The following SPTBN1 variants were observed in gnomAD, a reference collection of about 807,000 sequenced individuals.
SPTBN1 encodes spectrin beta chain, non-erythrocytic 1.
A neutral mutation model predicts 266.4 loss-of-function variants in SPTBN1; 32 were observed. The ratio of observed to expected loss-of-function variants is 0.12; its 90% confidence interval spans 0.09 to 0.16. The LOEUF (loss-of-function observed/expected upper bound fraction) is 0.16. Among genes scored for constraint, SPTBN1 ranks in the 10% least tolerant of loss-of-function variants. The pLI, the probability that SPTBN1 is intolerant of heterozygous loss-of-function variation, is 1.00. For missense variants in SPTBN1, 2,296 were observed against 3,067.1 expected, an observed-to-expected ratio of 0.75 and a Z score of 5.94; for synonymous variants, 1,336 against 1,162.2, an observed-to-expected ratio of 1.15 and a Z score of -3.04.
chr2:54,657,986 A>G lies in SPTBN1; in HGVS notation c.6183A>G (p.Ala2061=). ...AGAAGCTCATCAAGCGCCACGAGGCATTTGAAAAGTCTGCAGCAACCTGGG... is the reference window on the plus strand; with the variant it reads ...AGAAGCTCATCAAGCGCCACGAGGCGTTTGAAAAGTCTGCAGCAACCTGGG... ...EVEKLIKRHE[A]FEKSAATWDE... is the part of the protein sequence containing the mutation. Residue 2061 remains alanine, a synonymous_variant, in exon 30 of 36, where the codon GCA becomes GCG. Transcript: ENST00000356805. The G allele has an allele frequency of 6.2e-7, 1 of 1,614,274 alleles. No individual in the cohort carries two copies. The highest frequency in any genetic ancestry group is 8.5e-7 in the Non-Finnish European group (1 of 1,180,050).
intron 2 of SPTBN1, among the ~76,000 whole-genome samples, chr2:54,534,717 C>T (rs1325256671): frequency 6.6e-6 from 1 of 152,202 alleles, no homozygotes; most frequent in Non-Finnish European, 1.5e-5. Flanking sequence ...TCCTGTTCTA[C>T]CTCAGACTCT....
chr2:54,611,004 G>A (rs945557702), intron 3 of SPTBN1, among the ~76,000 whole-genome samples: 1 of 152,130 alleles, frequency 6.6e-6, no homozygotes, highest in Non-Finnish European at 1.5e-5. Flanking sequence ...AGTTAGAGAT[G>A]GCTCTGAAAT....
chr2:54,623,572 G>A lies in SPTBN1; in HGVS notation c.1158G>A (p.Gly386=). The A allele has an allele frequency of 1.2e-6, 2 of 1,614,118 alleles. No individual in the cohort carries two copies. The highest frequency in any genetic ancestry group is 1.7e-6 in the Non-Finnish European group (2 of 1,179,978). The part of the protein sequence containing the change: ...NNQKVYMPRE[G]KLISDINKAW... ...AGAAGGTCTACATGCCCCGGGAGGGGAAGCTCATCTCTGACATCAACAAGG... is the reference window on the plus strand; with the variant it reads ...AGAAGGTCTACATGCCCCGGGAGGGAAAGCTCATCTCTGACATCAACAAGG... The change falls in exon 10 of 36, where the codon GGG becomes GGA. Residue 386 remains glycine (G), a synonymous_variant. Coordinates refer to ENST00000356805, the MANE Select transcript of SPTBN1 (RefSeq NM_003128.3).
chr2:54,499,857 C>G (rs1007549765), intron 1 of SPTBN1, among the ~76,000 whole-genome samples: 1 of 152,196 alleles, frequency 6.6e-6, no homozygotes, highest in African/African-American at 2.4e-5. Flanking sequence ...TCAGCCAACA[C>G]AGAGTTTTGG....
At chr2:54,627,724 C>T (rs1678446515) in intron 12 of SPTBN1, among the ~76,000 whole-genome samples, 1 of 152,180 alleles carries the variant, frequency 6.6e-6, no homozygotes, top group Admixed American at 6.5e-5. Context: ...CTTCTTGAAG[C>T]TCCAGTTTAT....
At chr2:54,598,320 C>T (rs1357464287) in intron 2 of SPTBN1, among the ~76,000 whole-genome samples, 1 of 152,170 alleles carries the variant, frequency 6.6e-6, no homozygotes, top group Non-Finnish European at 1.5e-5. Flanking sequence ...TTATATTTTT[C>T]TTCTCCTTTT....
chr2:54,467,073 C>A (rs374996620), intron 1 of SPTBN1, among the ~76,000 whole-genome samples: 8 of 151,948 alleles, frequency 5.3e-5, no homozygotes, highest in Non-Finnish European at 1.2e-4. Flanking sequence ...CTTTGGCTCT[C>A]GGTGAAGTTT....
chr2:54,478,686 C>T (rs1667965351), intron 1 of SPTBN1, among the ~76,000 whole-genome samples: 1 of 152,144 alleles, frequency 6.6e-6, no homozygotes, highest in Non-Finnish European at 1.5e-5. Context: ...CCTTGAAAGG[C>T]ATCTTACTTC....
At chr2:54,624,511 A>T (rs993807161) in intron 10 of SPTBN1, among the ~76,000 whole-genome samples, 3 of 152,220 alleles carry the variant, frequency 2.0e-5, no homozygotes, top group African/African-American at 7.2e-5. Context: ...TTTCCTCTTA[A>T]AGTAAGAGAT....
chr2:54,573,484 G>C (rs1347025968), intron 2 of SPTBN1, among the ~76,000 whole-genome samples: 2 of 152,182 alleles, frequency 1.3e-5, no homozygotes, highest in Non-Finnish European at 2.9e-5. Flanking sequence ...ACCTCCTGCT[G>C]TGTGGCCGGT....
At chr2:54,468,626 G>A (rs569979956) in intron 1 of SPTBN1, among the ~76,000 whole-genome samples, 1 of 152,300 alleles carries the variant, frequency 6.6e-6, no homozygotes, top group Non-Finnish European at 1.5e-5. Flanking sequence ...TGTTTTAGGG[G>A]TGGGATGTTA....
At chr2:54,662,103 A>C in intron 32 of SPTBN1, 1 of 985,376 alleles carries the variant, frequency 1.0e-6, no homozygotes, top group African/African-American at 1.7e-5. Context: ...TGATTTAAGT[A>C]TCTCGGGTGT....
At position 54,629,499 on chromosome 2, in the gene SPTBN1, G is replaced by A. The variant is rs957422145; in HGVS notation, c.2365G>A (p.Val789Met). Residue 789 changes from valine to methionine, a missense_variant, in exon 14 of 36, where the codon GTG (valine) becomes ATG (methionine). By Grantham distance (21) the Val-to-Met change is conservative (BLOSUM62 1). Around this residue, in one of 12 missense-constraint regions of SPTBN1, gnomAD observed 434 missense variants for 573.9 expected, o/e 0.76. Coordinates refer to ENST00000356805, the MANE Select transcript of SPTBN1 (RefSeq NM_003128.3). ...TQSLVKKHKD[V>M]AEEIANYRPT... ...GTCTCTGGTCAAGAAACACAAGGAC[G>A]TGGCGGAAGAGATCGCCAATTACAG... is the stretch of plus-strand genomic sequence containing the variant. The A allele has an allele frequency of 8.1e-6, 13 of 1,614,022 alleles. No individual in the cohort carries two copies. The highest frequency in any genetic ancestry group is 1.1e-5 in the South Asian group (1 of 91,090).
rs377643095 is a variant in SPTBN1 at position 54,578,134 on chromosome 2, C to T, written c.149-20958C>T. ...TATATGAAATTATTTGTAATGTACCCGTGAGAACCTGGAATAAACTGTACT... is the reference window on the plus strand; with the variant it reads ...TATATGAAATTATTTGTAATGTACCTGTGAGAACCTGGAATAAACTGTACT... On this transcript the variant is annotated intron_variant, in intron 2 of 35. Coordinates refer to ENST00000356805, the MANE Select transcript of SPTBN1 (RefSeq NM_003128.3). Among the ~76,000 whole-genome samples, 201 of 152,154 alleles carry T rather than the reference C, an allele frequency of 1.3e-3. 4 individuals are homozygous for T. In the South Asian group the frequency reaches 0.036, roughly 27 times the overall value.
chr2:54,529,885 G>A (rs112019604), intron 2 of SPTBN1: 8,539 of 338,072 alleles, frequency 0.025, 204 homozygotes, highest in Middle Eastern at 0.041. Flanking sequence ...AAAAAAAAAA[G>A]GTCCACTTGA....
intron 26 of SPTBN1, among the ~76,000 whole-genome samples, chr2:54,650,556 A>T (rs1680206178): frequency 6.6e-6 from 1 of 152,304 alleles, no homozygotes; most frequent in African/African-American, 2.4e-5. Context: ...TAGTTGAAAA[A>T]CAAATTGTAT....
At chr2:54,636,987 C>A (rs1190543691) in intron 17 of SPTBN1, among the ~76,000 whole-genome samples, 1 of 152,200 alleles carries the variant, frequency 6.6e-6, no homozygotes, top group Non-Finnish European at 1.5e-5. Context: ...CCACTGGGTG[C>A]ATGAAGGAAG....
chr2:54,563,898 C>T (rs1002986226), intron 2 of SPTBN1, among the ~76,000 whole-genome samples: 15 of 152,080 alleles, frequency 9.9e-5, no homozygotes, highest in African/African-American at 2.4e-4. Context: ...TAGCTATTCT[C>T]GAACTTTTTG....
rs1679890486 is a variant in SPTBN1 at position 54,645,804 on chromosome 2, C to G, written c.4495-124C>G. ...AGGGCGTGCTTCCCCAGACAGCCCT[C>G]CCGAGGGGGCTGAGCACTCTCTGAA... On this transcript the variant is annotated intron_variant, in intron 21 of 35. Transcript: ENST00000356805. This position sits in a 1 kb window ranked among gnomAD's most constrained non-coding sequence, Gnocchi z 4.3. The G allele has an allele frequency of 9.5e-7, 1 of 1,048,864 alleles. No individual in the cohort carries two copies. Among genetic ancestry groups the G allele is most frequent in the East Asian group, 2.5e-5 (1 of 39,412 alleles). The allele number at this position is 1,048,864 out of a possible 1,614,324, so 65.0% of individuals were successfully genotyped here. A position where few individuals can be genotyped will look rare whatever the true frequency, so the allele number is the denominator to read the frequency against.
Sources: allele counts gnomAD v4.1 joint callset (sites outside exome capture counted in the v4.1 genomes callset), GRCh38; gene constraint gnomAD v4.1.1; regional missense constraint gnomAD v4.1.1; non-coding constraint Gnocchi (gnomAD v3.1); transcripts MANE v1.5; gene names NCBI Gene and HGNC (gene_info 2026-07-23, HGNC 2026-07-21).